The following PRKG1 variants were observed in gnomAD, a reference collection of about 807,000 sequenced individuals.
PRKG1 encodes the protein cGMP-dependent protein kinase 1.
In PRKG1, 35 loss-of-function variants were observed where a neutral mutation model predicts 88.1. That is an observed-to-expected ratio of 0.40 (90% CI 0.30 to 0.53). The LOEUF is 0.53. Ranked by LOEUF, PRKG1 falls within the 20% of genes least tolerant of loss-of-function variation. The pLI is 0.59. For synonymous variants in PRKG1, 303 were observed against 292.5 expected, an observed-to-expected ratio of 1.04 and a Z score of -0.37; for missense variants, 540 against 839.8, an observed-to-expected ratio of 0.64 and a Z score of 4.41.
Position 51,947,368 on chromosome 10 carries a change from C to T in PRKG1, c.762+39798C>T, listed in dbSNP as rs11000246. On this transcript the variant is annotated intron_variant, in intron 5 of 17. Coordinates refer to ENST00000373980, the MANE Select transcript of PRKG1 (RefSeq NM_006258.4). ...CCGATTTTCCAGGTGCCGTCTGTCA[C>T]CCCTTTCTTTGACTAGGAAAGGGAA... Among the ~76,000 whole-genome samples the T allele has an allele frequency of 5.7e-3, 875 of 152,284 alleles. 25 individuals carry two copies. The East Asian group carries it at 0.061, about 11-fold the overall frequency.
intron 2 of PRKG1, among the ~76,000 whole-genome samples, chr10:51,355,919 G>T (rs1337834427): frequency 6.6e-6 from 1 of 151,958 alleles, no homozygotes; most frequent in Non-Finnish European, 1.5e-5. Flanking sequence ...ACAGAGTATT[G>T]CAGATTCTTT....
chr10:52,141,320 G>C (rs773659080), intron 8 of PRKG1, among the ~76,000 whole-genome samples: 6 of 152,138 alleles, frequency 3.9e-5, no homozygotes, highest in Admixed American at 3.9e-4. Flanking sequence ...TATACCCTGA[G>C]ACAACATTTG....
chr10:51,143,729 A>T (rs566302094), intron 1 of PRKG1, among the ~76,000 whole-genome samples: 2 of 152,146 alleles, frequency 1.3e-5, no homozygotes, highest in Admixed American at 1.3e-4. Flanking sequence ...CGTGACACTG[A>T]GCATTTTTTA....
At chr10:52,057,530 C>G (rs74911174) in intron 6 of PRKG1, among the ~76,000 whole-genome samples, 6,661 of 152,250 alleles carry the variant, frequency 0.044, 172 homozygotes, top group Non-Finnish European at 0.059. Context: ...AATGAACTAT[C>G]TCTTTATAAA....
intron 9 of PRKG1, among the ~76,000 whole-genome samples, chr10:52,194,205 T>C (rs1379788001): frequency 6.6e-6 from 1 of 152,184 alleles, no homozygotes; most frequent in Non-Finnish European, 1.5e-5. Context: ...TTCTATTAGC[T>C]GGAAACATAA....
intron 2 of PRKG1, among the ~76,000 whole-genome samples, chr10:51,208,460 AT>A (rs1321723101): frequency 6.6e-6 from 1 of 152,156 alleles, no homozygotes; most frequent in Non-Finnish European, 1.5e-5. Flanking sequence ...GCACAGCCCC[AT>A]TGTTACCAGT....
chr10:51,900,291 G>A (rs1247560828), intron 4 of PRKG1, among the ~76,000 whole-genome samples: 2 of 152,100 alleles, frequency 1.3e-5, no homozygotes, highest in African/African-American at 4.8e-5. Flanking sequence ...AAGATAATGT[G>A]GACATTCTTT....
chr10:51,274,382 G>A (rs977552269), intron 2 of PRKG1, among the ~76,000 whole-genome samples: 2 of 152,036 alleles, frequency 1.3e-5, no homozygotes, highest in Non-Finnish European at 2.9e-5. Context: ...TTTGGATTCC[G>A]CTGAAGTTTG....
chr10:51,234,299 A>C (rs1309017941), intron 2 of PRKG1, among the ~76,000 whole-genome samples: 1 of 152,154 alleles, frequency 6.6e-6, no homozygotes, highest in Non-Finnish European at 1.5e-5. Flanking sequence ...CCTCACCTTT[A>C]ACTAATGAAT....
At chr10:51,905,384 CT>C (rs2132941866) in intron 4 of PRKG1, among the ~76,000 whole-genome samples, 1 of 152,248 alleles carries the variant, frequency 6.6e-6, no homozygotes, top group East Asian at 1.9e-4. Context: ...AATGTTCATG[CT>C]TTTACCAAAA....
chr10:52,270,933 A>G (rs540828824), intron 10 of PRKG1, among the ~76,000 whole-genome samples: 47 of 152,214 alleles, frequency 3.1e-4, no homozygotes, highest in Non-Finnish European at 5.0e-4. Context: ...AGAACTAAGG[A>G]GGAAGAATAT....
chr10:51,225,249 G>A (rs959511804), intron 2 of PRKG1, among the ~76,000 whole-genome samples: 23 of 152,158 alleles, frequency 1.5e-4, no homozygotes, highest in Non-Finnish European at 7.3e-5. Context: ...AAGCTAGCTA[G>A]TTCACTGGGC....
chr10:52,220,633 C>A (rs1339095618), intron 9 of PRKG1, among the ~76,000 whole-genome samples: 2 of 152,074 alleles, frequency 1.3e-5, no homozygotes, highest in East Asian at 3.9e-4. Flanking sequence ...GTATTCTCAT[C>A]ATTTAGCTCC....
At chr10:51,261,438 T>G (rs1322022780) in intron 2 of PRKG1, among the ~76,000 whole-genome samples, 1 of 152,182 alleles carries the variant, frequency 6.6e-6, no homozygotes, top group Non-Finnish European at 1.5e-5. Flanking sequence ...ACCCAAATAG[T>G]TGAAATCTAA....
chr10:51,197,360 T>A (rs544181640), intron 2 of PRKG1, among the ~76,000 whole-genome samples: 54 of 152,040 alleles, frequency 3.6e-4, no homozygotes, highest in African/African-American at 1.1e-3. Context: ...GCAACCTCTT[T>A]CTCCTGTGTT....
At chr10:51,380,382 T>G (rs1402612931) in intron 2 of PRKG1, among the ~76,000 whole-genome samples, 1 of 152,194 alleles carries the variant, frequency 6.6e-6, no homozygotes, top group African/African-American at 2.4e-5. Context: ...AGAACACCGT[T>G]GCCTCCCCGT....
intron 3 of PRKG1, among the ~76,000 whole-genome samples, chr10:51,492,685 TAA>T (rs1840736950): frequency 6.6e-6 from 1 of 152,090 alleles, no homozygotes; most frequent in African/African-American, 2.4e-5. Flanking sequence ...ATGAATGAAA[TAA>T]AGAGTCCTAT....
intron 3 of PRKG1, among the ~76,000 whole-genome samples, chr10:51,775,566 A>AATTATT (rs527646906): frequency 0.011 from 1,684 of 150,964 alleles, 41 homozygotes; most frequent in African/African-American, 0.038. Flanking sequence ...CCAGTTCTTT[A>AATTATT]ATTATTATTA....
rs565040381 is a variant in PRKG1, at chr10:51,409,165, G to A, written c.479-58558G>A. Among the ~76,000 whole-genome samples the A allele has an allele frequency of 2.6e-4, 39 of 152,288 alleles. 1 individual carries two copies. Among genetic ancestry groups the A allele is most frequent in the East Asian group, 1.4e-3 (7 of 5,164 alleles). ...GGATGTCCCAGAAAGGGGCTATGCC[G>A]TAGCTGTCTGCTTTTGGGTGGTGCC... On this transcript the variant is annotated intron_variant, in intron 2 of 17. Coordinates refer to ENST00000373980, the MANE Select transcript of PRKG1 (RefSeq NM_006258.4).
Sources: gnomAD v4.1 joint callset for allele counts (sites outside exome capture counted in the v4.1 genomes callset) on GRCh38, gnomAD v4.1.1 for gene constraint, MANE v1.5 for transcripts, NCBI Gene and HGNC (gene_info 2026-07-23, HGNC 2026-07-21) for gene names.